SEMA6A: variants seen among roughly 807,000 people sequenced by gnomAD.
SEMA6A encodes semaphorin-6A.
SEMA6A carries 25 observed loss-of-function variants against 96.8 expected under a neutral mutation model. The ratio of observed to expected loss-of-function variants is 0.26; its 90% confidence interval spans 0.19 to 0.36. The LOEUF is 0.36. Ranked by LOEUF, SEMA6A falls within the 10% of genes least tolerant of loss-of-function variation. The probability of loss-of-function intolerance (pLI) is 1.00; values close to 1 mark genes in which losing one functional copy is unlikely to be tolerated. For missense variants in SEMA6A, 1,363 were observed against 1,323.1 expected (o/e 1.03, Z -0.47); for synonymous variants, 612 against 518.0 (o/e 1.18, Z -2.46).
Position 116,446,264 on chromosome 5 carries a change from AT to A in SEMA6A, c.*348del. The stretch of plus-strand genomic sequence containing the variant: ...GCGTGTGTGTGTATGTGTTGTGTGC[AT>A]GTGTGTGTGTGTGTGTGTGTGGGGG... On this transcript the variant is annotated 3_prime_UTR_variant, in exon 19 of 19. Transcript: ENST00000343348. 2 of 176,210 alleles carry A rather than the reference AT, an allele frequency of 1.1e-5. No homozygotes were observed. The highest frequency in any genetic ancestry group is 2.3e-5 in the Non-Finnish European group (2 of 88,830). 10.9% of individuals were successfully genotyped at this position (176,210 alleles called of 1,614,324 possible).
At chr5:116,507,263 G>C (rs966907878) in intron 1 of SEMA6A, among the ~76,000 whole-genome samples, 1 of 152,206 alleles carries the variant, frequency 6.6e-6, no homozygotes, top group African/African-American at 2.4e-5. Context: ...ATCTTGGTCA[G>C]TCCACATGAA....
chr5:116,574,006 CA>C, intron 1 of SEMA6A, among the ~76,000 whole-genome samples, 178 bp downstream of exon 1: 1 of 151,788 alleles, frequency 6.6e-6, no homozygotes, highest in East Asian at 1.9e-4. Context: ...AGAGGAAAGG[CA>C]GGCAGGGCTC....
At position 116,445,708 on chromosome 5, in the gene SEMA6A, C is replaced by T. The variant is rs1433355275; in HGVS notation, c.*905G>A. ...CTAACTTTTTCCTTTAGCTACAGAC[C>T]AGACAGTCCAAACACAAAGCTCAGA... On this transcript the variant is annotated 3_prime_UTR_variant, in exon 19 of 19. Coordinates refer to ENST00000343348, the MANE Select transcript of SEMA6A (RefSeq NM_020796.5). 3 of 152,582 alleles carry T rather than the reference C, an allele frequency of 2.0e-5. No homozygotes were observed. Among genetic ancestry groups the T allele is most frequent in the African/African-American group, 4.8e-5 (2 of 41,430 alleles). 9.5% of individuals were successfully genotyped at this position (152,582 alleles called of 1,614,324 possible).
intron 8 of SEMA6A, 21 bp from the exon 9 acceptor site, chr5:116,488,217 T>C: frequency 1.3e-6 from 2 of 1,497,232 alleles, no homozygotes; most frequent in Non-Finnish European, 1.9e-6. Flanking sequence ...ACAGGCACTT[T>C]AATTGGGAAC....
intron 1 of SEMA6A, among the ~76,000 whole-genome samples, chr5:116,508,476 C>A (rs954469893): frequency 6.6e-6 from 1 of 152,124 alleles, no homozygotes; most frequent in Admixed American, 6.5e-5. Flanking sequence ...GACAAGTGGA[C>A]CCAGCCAGAG....
At chr5:116,528,449 G>A (rs1759323808) in intron 1 of SEMA6A, among the ~76,000 whole-genome samples, 1 of 152,156 alleles carries the variant, frequency 6.6e-6, no homozygotes, top group African/African-American at 2.4e-5. Flanking sequence ...TGTCAGGAGA[G>A]CCAGCTCAGG....
At chr5:116,467,445 C>G (rs1192092390) in intron 18 of SEMA6A, 138 bp downstream of exon 18, 1 of 830,020 alleles carries the variant, frequency 1.2e-6, no homozygotes, top group South Asian at 2.0e-5. Context: ...GGGTTGCAGT[C>G]TTTTTCGAGA....
intron 6 of SEMA6A, among the ~76,000 whole-genome samples, chr5:116,494,707 C>G (rs1018987829): frequency 2.0e-5 from 3 of 152,156 alleles, no homozygotes; most frequent in African/African-American, 7.2e-5. Context: ...CGATGGGCCA[C>G]AGTAGAAACA....
chr5:116,454,240 A>G (rs570515106), intron 18 of SEMA6A, among the ~76,000 whole-genome samples: 2 of 152,172 alleles, frequency 1.3e-5, no homozygotes, highest in Non-Finnish European at 2.9e-5. Flanking sequence ...TGAGCCAGAG[A>G]GGGTTTGTGT....
chr5:116,529,271 TG>T (rs1465081407), intron 1 of SEMA6A, among the ~76,000 whole-genome samples: 3 of 152,180 alleles, frequency 2.0e-5, no homozygotes, highest in Non-Finnish European at 4.4e-5. Context: ...TGCTAGAGGT[TG>T]GTTAACAGAT....
chr5:116,496,556 G>A (rs1757612204), intron 4 of SEMA6A, among the ~76,000 whole-genome samples: 1 of 152,120 alleles, frequency 6.6e-6, no homozygotes, highest in African/African-American at 2.4e-5. Context: ...AGATAAAGAT[G>A]AAGGAGAAAA....
chr5:116,569,439 A>G (rs1198670608), intron 1 of SEMA6A, among the ~76,000 whole-genome samples: 2 of 152,196 alleles, frequency 1.3e-5, no homozygotes, highest in Non-Finnish European at 2.9e-5. Flanking sequence ...TGCAAAGGCC[A>G]TAGGAAGGAC....
Position 116,516,148 on chromosome 5 carries a change from G to C in SEMA6A, c.-38-11166C>G, listed in dbSNP as rs535040336. Among the ~76,000 whole-genome samples, 13 of 152,222 alleles carry C rather than the reference G, an allele frequency of 8.5e-5. No homozygotes were observed. The East Asian group carries it at 1.2e-3, about 14-fold the overall frequency. ...CCCAGAACCCTGAAAGCCAAAAATA[G>C]AGTTTCTATTTGATTACAAGCTTCT... On this transcript the variant is annotated intron_variant, in intron 1 of 18. Transcript: ENST00000343348.
At chr5:116,468,680 C>A (rs186707546) in intron 17 of SEMA6A, 2 of 152,308 alleles carry the variant, frequency 1.3e-5, no homozygotes, top group Admixed American at 1.3e-4. Flanking sequence ...TCCAAGCTGG[C>A]ACAATGATAC....
At chr5:116,541,477 A>G (rs927134276) in intron 1 of SEMA6A, among the ~76,000 whole-genome samples, 3 of 152,340 alleles carry the variant, frequency 2.0e-5, no homozygotes, top group Middle Eastern at 6.8e-3. Context: ...GGTCACTCAC[A>G]CAAGTTCATT....
chr5:116,451,330 A>G (rs1273719490), intron 18 of SEMA6A, among the ~76,000 whole-genome samples: 1 of 152,208 alleles, frequency 6.6e-6, no homozygotes, highest in Non-Finnish European at 1.5e-5. Context: ...CAGCTGCTCC[A>G]TTGGATTCCA....
intron 1 of SEMA6A, among the ~76,000 whole-genome samples, chr5:116,513,850 A>T (rs11737961): frequency 6.6e-6 from 1 of 151,932 alleles, no homozygotes; most frequent in Admixed American, 6.5e-5. Flanking sequence ...CTCATCATTT[A>T]GCTCCCACTT....
intron 1 of SEMA6A, among the ~76,000 whole-genome samples, 169 bp from the exon 2 acceptor site, chr5:116,505,151 C>T (rs1427614437): frequency 6.6e-6 from 1 of 152,166 alleles, no homozygotes. Context: ...TTACCTACTG[C>T]TACCTCCTTC....
At chr5:116,515,276 G>C (rs1045921716) in intron 1 of SEMA6A, among the ~76,000 whole-genome samples, 1 of 152,120 alleles carries the variant, frequency 6.6e-6, no homozygotes, top group African/African-American at 2.4e-5. Context: ...TGAAAGTTTG[G>C]TTTAAAATAT....
Sources: gnomAD v4.1 joint callset for allele counts (sites outside exome capture counted in the v4.1 genomes callset) on GRCh38, gnomAD v4.1.1 for gene constraint, MANE v1.5 for transcripts, NCBI Gene and HGNC (gene_info 2026-07-23, HGNC 2026-07-21) for gene names.